MYO1D: variants seen among roughly 807,000 people sequenced by gnomAD.
MYO1D encodes the protein unconventional myosin-Id.
MYO1D carries 83 observed loss-of-function variants against 122.0 expected under a neutral mutation model. That is an observed-to-expected ratio of 0.68 (90% CI 0.57 to 0.82). The LOEUF is 0.82. Among genes scored for constraint, MYO1D ranks in the 40% least tolerant of loss-of-function variants. MYO1D has a pLI of 0.00. For synonymous variants in MYO1D, 464 were observed against 446.9 expected (o/e 1.04, Z -0.48); for missense variants, 1,157 against 1,269.5 (o/e 0.91, Z 1.35).
At chr17:32,837,830 T>C (rs2090842300) in intron 1 of MYO1D, among the ~76,000 whole-genome samples, 1 of 152,210 alleles carries the variant, frequency 6.6e-6, no homozygotes, top group African/African-American at 2.4e-5. Context: ...AACTCAGTGA[T>C]TACTAGTAAA....
chr17:32,826,104 C>T (rs1168937472), intron 1 of MYO1D, among the ~76,000 whole-genome samples: 1 of 148,922 alleles, frequency 6.7e-6, no homozygotes, highest in Non-Finnish European at 1.5e-5. Flanking sequence ...GTTAACTATT[C>T]TAGGGAGAAT....
At chr17:32,510,629 G>T (rs921502511) in intron 21 of MYO1D, 9 of 152,298 alleles carry the variant, frequency 5.9e-5, no homozygotes, top group African/African-American at 1.7e-4. Context: ...CAAAAGCTTC[G>T]TATGCTTTGT....
intron 20 of MYO1D, among the ~76,000 whole-genome samples, chr17:32,632,174 G>A (rs1430695908): frequency 6.6e-6 from 1 of 152,162 alleles, no homozygotes; most frequent in Non-Finnish European, 1.5e-5. Flanking sequence ...TAGATTTTGA[G>A]TTTTTAAAGT....
rs550451826 is a variant in MYO1D, at chr17:32,719,349, C to T, written c.1913+1674G>A. Among the ~76,000 whole-genome samples, 304 of 132,506 alleles carry T rather than the reference C, an allele frequency of 2.3e-3. 4 individuals are homozygous for T. Among genetic ancestry groups the T allele is most frequent in the African/African-American group, 7.5e-3 (284 of 37,958 alleles). 86.9% of individuals were successfully genotyped at this position (132,506 alleles called of 152,430 possible). ...AATAGCATCCTTAAACATCTCCTTG[C>T]CCTTTTTTTTTTTTTTTTGAGACGG... On this transcript the variant is annotated intron_variant, in intron 15 of 21. Transcript: ENST00000318217.
intron 1 of MYO1D, among the ~76,000 whole-genome samples, chr17:32,830,559 T>G (rs2090762872): frequency 6.6e-6 from 1 of 152,036 alleles, no homozygotes; most frequent in Non-Finnish European, 1.5e-5. Flanking sequence ...ACACAGTAAA[T>G]GAAAGGATAC....
chr17:32,795,757 G>A (rs1299466736), intron 1 of MYO1D, among the ~76,000 whole-genome samples: 4 of 152,152 alleles, frequency 2.6e-5, no homozygotes, highest in Non-Finnish European at 5.9e-5. Flanking sequence ...AAGAGAGTCC[G>A]CCTGAAGACA....
chr17:32,778,607 T>C (rs1459300925), intron 2 of MYO1D, 34 bp from the exon 3 acceptor site: 1 of 1,542,874 alleles, frequency 6.5e-7, no homozygotes, highest in Non-Finnish European at 8.9e-7. Context: ...CTTAACATAA[T>C]AATTTAAACC....
chr17:32,856,454 A>G (rs140467757), intron 1 of MYO1D, among the ~76,000 whole-genome samples: 32 of 152,278 alleles, frequency 2.1e-4, no homozygotes, highest in Middle Eastern at 3.4e-3. Context: ...CTTGAAAGCA[A>G]TATCACTCAG....
intron 20 of MYO1D, among the ~76,000 whole-genome samples, chr17:32,614,314 G>T (rs2087744686): frequency 7.4e-6 from 1 of 135,414 alleles, no homozygotes; most frequent in African/African-American, 2.7e-5. Flanking sequence ...TCATGAAATT[G>T]TAGCGGTCAC....
intron 1 of MYO1D, among the ~76,000 whole-genome samples, chr17:32,832,900 T>C (rs2090786190): frequency 6.6e-6 from 1 of 152,364 alleles, no homozygotes; most frequent in Admixed American, 6.5e-5. Context: ...TAAAATGTTT[T>C]TATGCCTACA....
At chr17:32,822,563 C>G (rs925384267) in intron 1 of MYO1D, among the ~76,000 whole-genome samples, 2 of 129,362 alleles carry the variant, frequency 1.5e-5, no homozygotes, top group African/African-American at 5.6e-5. Context: ...GGACGGGGCC[C>G]GGGGAGCGTG....
At chr17:32,758,743 G>T (rs2111915) in intron 10 of MYO1D, among the ~76,000 whole-genome samples, 3 of 152,204 alleles carry the variant, frequency 2.0e-5, no homozygotes, top group Admixed American at 2.0e-4. Context: ...ACTATGTTTA[G>T]AAGTTTGGGG....
intron 1 of MYO1D, among the ~76,000 whole-genome samples, chr17:32,801,388 G>A (rs557888214): frequency 5.3e-5 from 8 of 152,298 alleles, no homozygotes; most frequent in East Asian, 1.9e-4. Context: ...CTGAGGATTC[G>A]GCTGGATCAC....
chr17:32,615,026 A>G (rs1415983116), intron 20 of MYO1D, among the ~76,000 whole-genome samples: 1 of 152,248 alleles, frequency 6.6e-6, no homozygotes, highest in Non-Finnish European at 1.5e-5. Context: ...CTGGCCTCAC[A>G]GTGCCTCTTT....
At chr17:32,513,928 C>A (rs1367852638) in intron 21 of MYO1D, among the ~76,000 whole-genome samples, 1 of 151,442 alleles carries the variant, frequency 6.6e-6, no homozygotes, top group Non-Finnish European at 1.5e-5. Context: ...GGACTACAGG[C>A]ATACACCACC....
intron 1 of MYO1D, among the ~76,000 whole-genome samples, chr17:32,852,217 C>T (rs142301056): frequency 9.4e-4 from 143 of 152,240 alleles, no homozygotes; most frequent in African/African-American, 3.1e-3. Context: ...CCTCTGCCTC[C>T]CAGGTTCCAG....
chr17:32,673,101 T>TTTTTTTTTTTTTG, intron 16 of MYO1D, among the ~76,000 whole-genome samples: 1 of 77,678 alleles, frequency 1.3e-5, no homozygotes, highest in Non-Finnish European at 2.4e-5. Context: ...TTTTTTTTTT[T>TTTTTTTTTTTTTG]TTTTTTTTTT....
chr17:32,755,885 T>C (rs2089942811), intron 10 of MYO1D, among the ~76,000 whole-genome samples: 1 of 152,178 alleles, frequency 6.6e-6, no homozygotes, highest in Non-Finnish European at 1.5e-5. Context: ...CGTCTGAGAT[T>C]AGTACAGCCC....
chr17:32,741,887 C>G (rs572496352), intron 13 of MYO1D, among the ~76,000 whole-genome samples: 1 of 151,724 alleles, frequency 6.6e-6, no homozygotes, highest in African/African-American at 2.4e-5. Flanking sequence ...TGGTGGTGGG[C>G]GCCTGTAGTC....
Sources: gnomAD v4.1 joint callset for allele counts (sites outside exome capture counted in the v4.1 genomes callset) on GRCh38, gnomAD v4.1.1 for gene constraint, MANE v1.5 for transcripts, NCBI Gene and HGNC (gene_info 2026-07-23, HGNC 2026-07-21) for gene names.